Variants in RGS6 observed in about 807,000 individuals in gnomAD.
RGS6 encodes regulator of G protein signaling 6.
RGS6 carries 30 observed loss-of-function variants against 78.5 expected under a neutral mutation model. The ratio of observed to expected loss-of-function variants is 0.38; its 90% CI spans 0.29 to 0.52. RGS6 has a LOEUF of 0.52. Ranked by LOEUF, RGS6 falls within the 20% of genes least tolerant of loss-of-function variation. The pLI is 0.85. For synonymous variants in RGS6, 206 were observed against 206.0 expected, an observed-to-expected ratio of 1.00 and a Z score of 0.00; for missense variants, 495 against 609.7, an observed-to-expected ratio of 0.81 and a Z score of 1.98.
chr14:72,489,042 G>T lies in RGS6; in HGVS notation c.855-6110G>T, dbSNP rs374607355. The stretch of plus-strand genomic sequence containing the variant: ...CCAATAACGTAATTAATTAAAAGAG[G>T]TCCTACCTTTTGCCTTGAGCTGCCA... On this transcript the variant is annotated intron_variant, in intron 12 of 17. Transcript: ENST00000553525. Among the ~76,000 whole-genome samples, 70 of 152,202 alleles carry T rather than the reference G, an allele frequency of 4.6e-4. 1 individual carries two copies. Among genetic ancestry groups the T allele is most frequent in the African/African-American group, 1.7e-3 (70 of 41,534 alleles).
Position 72,153,853 on chromosome 14 carries a change from A to G in RGS6, c.84+188978A>G, listed in dbSNP as rs1233791635. Among the ~76,000 whole-genome samples, 3 of 152,324 alleles carry G rather than the reference A, an allele frequency of 2.0e-5. No individual in the cohort carries two copies. In the South Asian group the frequency reaches 6.2e-4, roughly 32 times the overall value. The stretch of plus-strand genomic sequence containing the variant: ...GATAAGGGTCTATGTTCAGTGGTGC[A>G]CGTATTATCTTGATAAACATCTTAA... On this transcript the variant is annotated intron_variant, in intron 2 of 17. Coordinates refer to ENST00000553525, the MANE Select transcript of RGS6 (RefSeq NM_001204424.2).
chr14:72,526,194 C>T (rs894660810), intron 15 of RGS6, among the ~76,000 whole-genome samples: 1 of 151,894 alleles, frequency 6.6e-6, no homozygotes, highest in Admixed American at 6.6e-5. Context: ...AGCTCTGCCT[C>T]CTGGGTTCAC....
chr14:72,162,648 T>G (rs183172730), intron 2 of RGS6, among the ~76,000 whole-genome samples: 2 of 152,316 alleles, frequency 1.3e-5, no homozygotes, highest in East Asian at 3.9e-4. Context: ...CTACTGGGTA[T>G]CTACCGAGAG....
At chr14:72,291,178 G>C (rs1337353495) in intron 2 of RGS6, among the ~76,000 whole-genome samples, 1 of 151,874 alleles carries the variant, frequency 6.6e-6, no homozygotes, top group African/African-American at 2.4e-5. Context: ...TGGCATTCAA[G>C]CTCCTTGGTG....
chr14:72,034,749 C>T (rs1270643631), intron 2 of RGS6, among the ~76,000 whole-genome samples: 1 of 152,086 alleles, frequency 6.6e-6, no homozygotes, highest in East Asian at 1.9e-4. Context: ...GCCAATTCTT[C>T]TTTAAATGTT....
chr14:71,906,715 G>T, the RGS6 span, among the ~76,000 whole-genome samples: 1 of 140,756 alleles, frequency 7.1e-6, no homozygotes, highest in Non-Finnish European at 1.6e-5. Flanking sequence ...TCTTCCATTT[G>T]AGTCAAGAAA....
the RGS6 span, among the ~76,000 whole-genome samples, chr14:72,618,451 C>A: frequency 6.6e-6 from 1 of 152,176 alleles, no homozygotes; most frequent in African/African-American, 2.4e-5. Context: ...GGCTGAGAGG[C>A]AGAGGCTTGA....
chr14:72,480,302 A>G (rs1188646310), intron 12 of RGS6, among the ~76,000 whole-genome samples: 2 of 152,200 alleles, frequency 1.3e-5, no homozygotes, highest in Non-Finnish European at 2.9e-5. Context: ...ACTCCAGGGC[A>G]GGTGTGCAGA....
chr14:71,905,961 G>A, the RGS6 span, among the ~76,000 whole-genome samples: 2 of 152,144 alleles, frequency 1.3e-5, no homozygotes, highest in Admixed American at 6.5e-5. Flanking sequence ...ACACGAGGCC[G>A]AAGGAAAAGT....
At chr14:72,262,495 C>A (rs1018063067) in intron 2 of RGS6, among the ~76,000 whole-genome samples, 1 of 152,150 alleles carries the variant, frequency 6.6e-6, no homozygotes, top group African/African-American at 2.4e-5. Flanking sequence ...GGGCCCATCT[C>A]TTATGACCAT....
intron 2 of RGS6, among the ~76,000 whole-genome samples, chr14:72,184,369 AACACACACACACACACAC>A (rs10638767): frequency 2.8e-5 from 4 of 141,282 alleles, no homozygotes; most frequent in Admixed American, 7.1e-5. Context: ...TTTACTTTCA[AACACACACACACACACAC>A]ACACACACAC....
intron 1 of RGS6, among the ~76,000 whole-genome samples, chr14:71,950,501 C>CATAG (rs1170861967): frequency 6.6e-6 from 1 of 152,120 alleles, no homozygotes. Flanking sequence ...CCATTCAGGA[C>CATAG]ATAGGCACAG....
chr14:72,283,728 C>T (rs113346130), intron 2 of RGS6, among the ~76,000 whole-genome samples: 11 of 152,014 alleles, frequency 7.2e-5, no homozygotes, highest in Non-Finnish European at 1.0e-4. Flanking sequence ...ATTGGCACTG[C>T]GAGGGTAGGG....
chr14:72,260,306 T>C (rs1039677786), intron 2 of RGS6, among the ~76,000 whole-genome samples: 2 of 152,230 alleles, frequency 1.3e-5, no homozygotes, highest in Admixed American at 6.5e-5. Flanking sequence ...TTTCCAGAAA[T>C]GTAATTTGCA....
At chr14:71,938,325 C>G (rs1002167208) in intron 1 of RGS6, among the ~76,000 whole-genome samples, 4 of 152,236 alleles carry the variant, frequency 2.6e-5, no homozygotes, top group Non-Finnish European at 4.4e-5. Context: ...GATATATAAT[C>G]GCATATTGGG....
chr14:72,301,185 G>A (rs2065974523), intron 2 of RGS6, among the ~76,000 whole-genome samples: 1 of 152,024 alleles, frequency 6.6e-6, no homozygotes, highest in South Asian at 2.1e-4. Flanking sequence ...ACCGAGCAGG[G>A]GAAACAATAT....
rs533515990 is a variant in RGS6 at position 72,211,161 on chromosome 14, C to G, written c.85-140934C>G. On this transcript the variant is annotated intron_variant, in intron 2 of 17. Coordinates refer to ENST00000553525, the MANE Select transcript of RGS6 (RefSeq NM_001204424.2). Reference sequence around the variant, plus strand: ...ACCTAGAGTTATTCAGAAAAGATGTCCAGAGACAAATCTTGGAGGTTTTGA... The same window carrying G: ...ACCTAGAGTTATTCAGAAAAGATGTGCAGAGACAAATCTTGGAGGTTTTGA... 2.6e-5 allele frequency among the ~76,000 whole-genome samples: 4 copies of G among 152,056 alleles called. No homozygotes were observed. In the East Asian group the frequency reaches 7.7e-4, roughly 29 times the overall value.
intron 2 of RGS6, among the ~76,000 whole-genome samples, chr14:72,172,062 A>C (rs997492632): frequency 2.6e-5 from 4 of 152,088 alleles, no homozygotes; most frequent in African/African-American, 9.7e-5. Context: ...TAACTCATTT[A>C]AATATGGAAG....
At chr14:72,492,117 A>G (rs2153406526) in intron 12 of RGS6, among the ~76,000 whole-genome samples, 1 of 152,328 alleles carries the variant, frequency 6.6e-6, no homozygotes, top group South Asian at 2.1e-4. Flanking sequence ...TTCCTCATCT[A>G]CCATAAGGAT....
Sources: allele counts gnomAD v4.1 joint callset (sites outside exome capture counted in the v4.1 genomes callset), GRCh38; gene constraint gnomAD v4.1.1; transcripts MANE v1.5; gene names NCBI Gene and HGNC (gene_info 2026-07-23, HGNC 2026-07-21).